SPAG16: variants seen among roughly 807,000 people sequenced by gnomAD.
The protein encoded by SPAG16 is sperm associated antigen 16, also known as sperm-associated antigen 16 protein.
A neutral mutation model predicts 80.4 loss-of-function variants in SPAG16; 86 were observed. The observed-to-expected ratio is 1.07, with a 90% CI of 0.90 to 1.28. The LOEUF is 1.28. Among genes scored for constraint, SPAG16 ranks in the 50% most tolerant of loss-of-function variants. The pLI is 0.00. For synonymous variants in SPAG16, 294 were observed against 265.9 expected (o/e 1.11, Z -1.03); for missense variants, 870 against 765.3 (o/e 1.14, Z -1.61).
chr2:213,580,549 A>T (rs1178646232), intron 10 of SPAG16, among the ~76,000 whole-genome samples: 1 of 152,120 alleles, frequency 6.6e-6, no homozygotes, highest in East Asian at 1.9e-4. Context: ...TTGGTAGATT[A>T]TTTCCCAAAA....
At chr2:213,287,301 C>G (rs1481583842) in intron 1 of SPAG16, among the ~76,000 whole-genome samples, 3 of 152,178 alleles carry the variant, frequency 2.0e-5, no homozygotes, top group Non-Finnish European at 4.4e-5. Context: ...TATTAGAAAT[C>G]AACACAACTT....
chr2:213,560,842 T>G (rs1194218987), intron 10 of SPAG16, among the ~76,000 whole-genome samples: 2 of 152,218 alleles, frequency 1.3e-5, no homozygotes, highest in Non-Finnish European at 2.9e-5. Flanking sequence ...CTACACACAA[T>G]GAATGACGAA....
intron 10 of SPAG16, among the ~76,000 whole-genome samples, chr2:213,509,568 G>C (rs1284830200): frequency 6.6e-6 from 1 of 152,036 alleles, no homozygotes; most frequent in African/African-American, 2.4e-5. Flanking sequence ...AAAATGTACG[G>C]GATATAATCT....
chr2:213,287,104 A>T (rs1310905530), intron 1 of SPAG16, among the ~76,000 whole-genome samples: 1 of 150,052 alleles, frequency 6.7e-6, no homozygotes, highest in Non-Finnish European at 1.5e-5. Context: ...AGCTATTGTC[A>T]GAACACTAAG....
chr2:213,597,291 C>T (rs925756189), intron 10 of SPAG16, among the ~76,000 whole-genome samples: 1 of 152,208 alleles, frequency 6.6e-6, no homozygotes, highest in Admixed American at 6.5e-5. Flanking sequence ...ACAGTATTAG[C>T]CATACATTCC....
At chr2:213,646,757 G>A (rs982111927) in intron 10 of SPAG16, among the ~76,000 whole-genome samples, 3 of 152,176 alleles carry the variant, frequency 2.0e-5, no homozygotes, top group African/African-American at 7.2e-5. Flanking sequence ...AATTTTGGCT[G>A]TAGATCCAGG....
rs73987201 is a variant in SPAG16, at chr2:214,229,367, A to G, written c.1720+80101A>G. Reference sequence around the variant, plus strand: ...AAAAATAGCTAAAGATGTGAGAGAGAAGAATGGGCATGCATCTTTATTATC... The same window carrying G: ...AAAAATAGCTAAAGATGTGAGAGAGGAGAATGGGCATGCATCTTTATTATC... On this transcript the variant is annotated intron_variant, in intron 15 of 15. Transcript: ENST00000331683. Among the ~76,000 whole-genome samples the G allele has an allele frequency of 5.3e-3, 809 of 151,838 alleles. 6 individuals carry two copies. The highest frequency in any genetic ancestry group is 0.018 in the African/African-American group (738 of 41,510).
chr2:213,696,676 C>A (rs185221117), intron 10 of SPAG16, among the ~76,000 whole-genome samples: 2 of 152,232 alleles, frequency 1.3e-5, no homozygotes, highest in East Asian at 3.9e-4. Flanking sequence ...ATGCAAATGA[C>A]CAACTGTTTA....
At chr2:214,228,476 G>T (rs1024697852) in intron 15 of SPAG16, among the ~76,000 whole-genome samples, 1 of 151,652 alleles carries the variant, frequency 6.6e-6, no homozygotes, top group African/African-American at 2.4e-5. Context: ...GTTAGGAGAG[G>T]GAATAGCCAA....
intron 11 of SPAG16, among the ~76,000 whole-genome samples, chr2:213,870,258 T>A (rs934621893): frequency 6.6e-6 from 1 of 152,208 alleles, no homozygotes; most frequent in Non-Finnish European, 1.5e-5. Context: ...TATAATGGCA[T>A]AAGACTGCTT....
intron 12 of SPAG16, among the ~76,000 whole-genome samples, chr2:214,010,864 A>G (rs2047248196): frequency 6.8e-6 from 1 of 146,410 alleles, no homozygotes; most frequent in Non-Finnish European, 1.5e-5. Context: ...TTTAAATTTC[A>G]GAGGTGAGTA....
At chr2:213,590,225 T>C (rs990923968) in intron 10 of SPAG16, among the ~76,000 whole-genome samples, 3 of 152,118 alleles carry the variant, frequency 2.0e-5, no homozygotes, top group African/African-American at 7.2e-5. Context: ...AAATTTTAGG[T>C]TCAGTGGGTA....
rs575541963 is a variant in SPAG16 at position 213,851,608 on chromosome 2, A to G, written c.1071-10877A>G. Among the ~76,000 whole-genome samples, 5 of 152,320 alleles carry G rather than the reference A, an allele frequency of 3.3e-5. No individual in the cohort carries two copies. In the South Asian group the frequency reaches 1.0e-3, roughly 32 times the overall value. The stretch of plus-strand genomic sequence containing the variant: ...ATTGAGTATCTATTAGGTCTAAGTC[A>G]CTACATAAGGCCTTTCCCTGCATTT... On this transcript the variant is annotated intron_variant, in intron 10 of 15. Transcript: ENST00000331683.
chr2:214,023,927 C>A (rs546930632), intron 13 of SPAG16, among the ~76,000 whole-genome samples: 10 of 151,402 alleles, frequency 6.6e-5, no homozygotes, highest in Admixed American at 1.3e-4. Context: ...TGACTATGTC[C>A]ATTGAAAAAT....
intron 10 of SPAG16, among the ~76,000 whole-genome samples, chr2:213,580,140 C>T (rs1294858506): frequency 1.3e-5 from 2 of 151,880 alleles, no homozygotes; most frequent in African/African-American, 4.8e-5. Context: ...AGGTGCTTAC[C>T]CTATACCCAG....
At chr2:213,957,304 T>C (rs924469959) in intron 12 of SPAG16, among the ~76,000 whole-genome samples, 2 of 152,212 alleles carry the variant, frequency 1.3e-5, no homozygotes, top group African/African-American at 2.4e-5. Context: ...CTGTTATTCA[T>C]TGTGTAAATG....
chr2:213,795,233 G>C (rs2070952278), intron 10 of SPAG16, among the ~76,000 whole-genome samples: 1 of 152,042 alleles, frequency 6.6e-6, no homozygotes, highest in African/African-American at 2.4e-5. Flanking sequence ...ATTAAGAATT[G>C]TTATTGGCAA....
At chr2:213,719,023 G>A (rs1171178118) in intron 10 of SPAG16, among the ~76,000 whole-genome samples, 8 of 152,198 alleles carry the variant, frequency 5.3e-5, no homozygotes, top group African/African-American at 1.9e-4. Context: ...TCAGCACCCT[G>A]TGTTTAGCTC....
At chr2:213,561,203 A>C (rs552576355) in intron 10 of SPAG16, among the ~76,000 whole-genome samples, 1 of 152,288 alleles carries the variant, frequency 6.6e-6, no homozygotes, top group Non-Finnish European at 1.5e-5. Context: ...CCATCTTCCC[A>C]AATTCTATCT....
Sources: allele counts gnomAD v4.1 joint callset (sites outside exome capture counted in the v4.1 genomes callset), GRCh38; gene constraint gnomAD v4.1.1; transcripts MANE v1.5; gene names NCBI Gene and HGNC (gene_info 2026-07-23, HGNC 2026-07-21).